The following INSR variants were observed in gnomAD, a reference collection of about 807,000 sequenced individuals.
The protein encoded by INSR is IR.
INSR carries 67 observed loss-of-function variants against 142.6 expected under a neutral mutation model. The observed-to-expected ratio is 0.47, with a 90% CI of 0.39 to 0.58. INSR has a LOEUF of 0.58. INSR is among the 20% of genes least tolerant of loss of function. INSR has a pLI of 0.00. For synonymous variants in INSR, 756 were observed against 743.1 expected (o/e 1.02, Z -0.28); for missense variants, 1,248 against 1,833.2 (o/e 0.68, Z 5.83).
rs2144862848 is a variant in INSR, at chr19:7,143,154, C to T, written c.2268-64G>A. On this transcript the variant is annotated intron_variant, in intron 11 of 21. Transcript: ENST00000302850. ...CATCATTTTTTTTAAAAAAGTGACACTGGAGAATAAAAGGCTTGATTAAGA... is the reference window on the plus strand; with the variant it reads ...CATCATTTTTTTTAAAAAAGTGACATTGGAGAATAAAAGGCTTGATTAAGA... 3.2e-6 allele frequency: 5 copies of T among 1,565,798 alleles called. No individual in the cohort carries two copies. The South Asian group carries it at 5.6e-5, about 17-fold the overall frequency.
At chr19:7,259,250 A>G (rs945181132) in intron 2 of INSR, among the ~76,000 whole-genome samples, 3 of 123,144 alleles carry the variant, frequency 2.4e-5, no homozygotes, top group Non-Finnish European at 3.8e-5. Context: ...AATGACATCT[A>G]TAAGACACAA....
rs1342894520 is a variant in INSR, at chr19:7,267,347, T to G, written c.650A>C (p.Lys217Thr). ...ERCWTHSHCQ[K>T]VCPTICKSHG... ...AGAACCCTGTATCCCCGGCGTACCTTTCTGGCAGTGACTATGAGTCCAACA... is the reference window on the plus strand; with the variant it reads ...AGAACCCTGTATCCCCGGCGTACCTGTCTGGCAGTGACTATGAGTCCAACA... The change falls in exon 2 of 22, where the codon AAA becomes ACA. Residue 217 changes from lysine to threonine, a missense_variant and splice_region_variant. Lys to Thr is a moderately conservative substitution (Grantham distance 78, BLOSUM62 -1). Transcript: ENST00000302850. This position sits in a 1 kb window ranked among gnomAD's most constrained non-coding sequence, Gnocchi z 6.3. 1 of 1,614,024 alleles carries G rather than the reference T, an allele frequency of 6.2e-7. No individual in the cohort carries two copies. The highest frequency in any genetic ancestry group is 1.3e-5 in the African/African-American group (1 of 74,942).
At chr19:7,237,697 T>C (rs1275552786) in intron 2 of INSR, among the ~76,000 whole-genome samples, 2 of 151,790 alleles carry the variant, frequency 1.3e-5, no homozygotes, top group African/African-American at 4.8e-5. Context: ...GTGCCTGTAG[T>C]CCCAGCAACT....
intron 2 of INSR, among the ~76,000 whole-genome samples, chr19:7,251,114 A>T (rs978927907): frequency 6.6e-6 from 1 of 152,008 alleles, no homozygotes; most frequent in Non-Finnish European, 1.5e-5. Flanking sequence ...CCATCTGCTC[A>T]ATGAAAGCAG....
At chr19:7,123,207 T>C in intron 17 of INSR, 1 of 540,468 alleles carries the variant, frequency 1.9e-6, no homozygotes, top group Non-Finnish European at 3.3e-6. Flanking sequence ...ATCTTGCTGT[T>C]ACCCAGGCTA....
Position 7,143,119 on chromosome 19 carries a change from ACACCATCAC to A in INSR, c.2268-38_2268-30del, listed in dbSNP as rs751804105. 3.1e-6 allele frequency: 5 copies of A among 1,612,928 alleles called. No homozygotes were observed. In the East Asian group the frequency reaches 1.1e-4, roughly 36 times the overall value. ...GAACGACAGTAGGACATGTATGATG[ACACCATCAC>A]CATCATTTTTTTTAAAAAAGTGACA... On this transcript the variant is annotated intron_variant, in intron 11 of 21. Coordinates refer to ENST00000302850, the MANE Select transcript of INSR (RefSeq NM_000208.4).
chr19:7,249,508 C>A (rs1471146361), intron 2 of INSR, among the ~76,000 whole-genome samples: 2 of 152,118 alleles, frequency 1.3e-5, no homozygotes, highest in African/African-American at 2.4e-5. Flanking sequence ...CCAGATGGAA[C>A]CTCATATAGC....
At chr19:7,124,129 C>G (rs1351226601) in intron 17 of INSR, among the ~76,000 whole-genome samples, 1 of 151,340 alleles carries the variant, frequency 6.6e-6, no homozygotes, top group South Asian at 2.1e-4. Context: ...TTTGGGAGGC[C>G]AAGGCGGGTG....
intron 2 of INSR, among the ~76,000 whole-genome samples, chr19:7,221,428 G>C (rs963592952): frequency 5.5e-5 from 8 of 146,180 alleles, no homozygotes; most frequent in Non-Finnish European, 1.0e-4. Flanking sequence ...GAAGAAGAAG[G>C]CTGGGCGCAG....
At chr19:7,134,662 G>A (rs1052524868) in intron 13 of INSR, among the ~76,000 whole-genome samples, 15 of 151,950 alleles carry the variant, frequency 9.9e-5, no homozygotes, top group African/African-American at 3.4e-4. Context: ...CTACTCGAGA[G>A]GCTGAGGCAG....
At chr19:7,169,160 T>A (rs1159096438) in intron 6 of INSR, among the ~76,000 whole-genome samples, 3 of 152,104 alleles carry the variant, frequency 2.0e-5, no homozygotes, top group Non-Finnish European at 4.4e-5. Context: ...GTGGCCTTGA[T>A]CTCTTTCTGG....
intron 7 of INSR, among the ~76,000 whole-genome samples, chr19:7,167,094 G>A (rs1271037237): frequency 6.6e-6 from 1 of 152,052 alleles, no homozygotes; most frequent in African/African-American, 2.4e-5. Context: ...CATCTCCTTT[G>A]AGTATCAAGT....
chr19:7,291,747 C>T (rs1311593566), intron 1 of INSR, among the ~76,000 whole-genome samples: 4 of 152,174 alleles, frequency 2.6e-5, no homozygotes, highest in Non-Finnish European at 5.9e-5. Context: ...GGGAACCACA[C>T]ACACGCACAC....
At chr19:7,181,749 T>C (rs984097085) in intron 3 of INSR, among the ~76,000 whole-genome samples, 1 of 151,752 alleles carries the variant, frequency 6.6e-6, no homozygotes, top group African/African-American at 2.4e-5. Flanking sequence ...TTTTTTTTGT[T>C]TTTGTATTTT....
At position 7,114,380 on chromosome 19, in the gene INSR, A is replaced by G. The variant is rs189249389; in HGVS notation, c.*2676T>C. On this transcript the variant is annotated 3_prime_UTR_variant, in exon 22 of 22. Coordinates refer to ENST00000302850, the MANE Select transcript of INSR (RefSeq NM_000208.4). ...ATCAGATACATCATGACAGCCTGGA[A>G]CTTAGTTTATGTTTGGGGAACATAG... 2.6e-5 allele frequency: 4 copies of G among 152,376 alleles called. No homozygotes were observed. The highest frequency in any genetic ancestry group is 2.0e-4 in the Admixed American group (3 of 15,302). 9.4% of individuals were successfully genotyped at this position (152,376 alleles called of 1,614,324 possible). A position where few individuals can be genotyped will look rare whatever the true frequency, so the allele number is the denominator to read the frequency against.
chr19:7,135,459 G>A (rs1416730178), intron 13 of INSR, among the ~76,000 whole-genome samples: 1 of 149,610 alleles, frequency 6.7e-6, no homozygotes, highest in Non-Finnish European at 1.5e-5. Context: ...GGGATTATAG[G>A]CGTGTGCCAC....
At position 7,159,681 on chromosome 19, in the gene INSR, C is replaced by A. The variant is rs79311542; in HGVS notation, c.2029+3351G>T. On this transcript the variant is annotated intron_variant, in intron 9 of 21. Coordinates refer to ENST00000302850, the MANE Select transcript of INSR (RefSeq NM_000208.4). The surrounding 1 kb of genome is among the most constrained non-coding windows in gnomAD (Gnocchi z 4.3). ...ATAAAGCATCAGAGCAGATAAATCA[C>A]GTTTGCAACCCTCGGCTCAGGCGGG... 4.3e-3 allele frequency: 658 copies of A among 152,340 alleles called. 1 individual carries two copies. The highest frequency in any genetic ancestry group is 6.1e-3 in the Non-Finnish European group (416 of 68,064). The allele number at this position is 152,340 out of a possible 1,614,324, so 9.4% of individuals were successfully genotyped here.
intron 9 of INSR, among the ~76,000 whole-genome samples, chr19:7,155,811 G>C (rs1973575402): frequency 6.6e-6 from 1 of 151,642 alleles, no homozygotes; most frequent in South Asian, 2.1e-4. Flanking sequence ...CTACTCAGGA[G>C]GCTGAGGTAG....
chr19:7,135,935 C>T (rs1309169193), intron 13 of INSR, among the ~76,000 whole-genome samples: 5 of 147,708 alleles, frequency 3.4e-5, no homozygotes, highest in Non-Finnish European at 7.4e-5. Flanking sequence ...ACCAATGCAC[C>T]GTAGCCTGGG....
Sources: allele counts gnomAD v4.1 joint callset (sites outside exome capture counted in the v4.1 genomes callset), GRCh38; gene constraint gnomAD v4.1.1; non-coding constraint Gnocchi (gnomAD v3.1); transcripts MANE v1.5; gene names NCBI Gene and HGNC (gene_info 2026-07-23, HGNC 2026-07-21).